Variants in CCDC3 observed in about 807,000 individuals in gnomAD.
The protein encoded by CCDC3 is coiled-coil domain-containing protein 3.
CCDC3 carries 24 observed loss-of-function variants against 21.4 expected under a neutral mutation model. That is an observed-to-expected ratio of 1.12 (90% CI 0.81 to 1.58). The LOEUF is 1.58. CCDC3 is among the 40% of genes most tolerant of loss of function. CCDC3 has a pLI of 0.00. For missense variants in CCDC3, 425 were observed against 360.9 expected, an observed-to-expected ratio of 1.18 and a Z score of -1.44; for synonymous variants, 186 against 166.0, an observed-to-expected ratio of 1.12 and a Z score of -0.93.
At chr10:13,080,834 G>C (rs573213795) in intron 3 of CCDC3, among the ~76,000 whole-genome samples, 92 of 152,280 alleles carry the variant, frequency 6.0e-4, no homozygotes, top group Non-Finnish European at 1.1e-3. Flanking sequence ...CCCAGCCCAA[G>C]GCCAGAGGCC....
rs570817282 is a variant in CCDC3 at position 13,045,857 on chromosome 10, G to C, written c.-2+3817C>G. Among the ~76,000 whole-genome samples the C allele has an allele frequency of 4.6e-5, 7 of 151,286 alleles. No individual in the cohort carries two copies. In the East Asian group the frequency reaches 1.4e-3, roughly 30 times the overall value. On this transcript the variant is annotated intron_variant, in intron 5 of 6. Coordinates refer to the CCDC3 transcript ENST00000378839. Reference sequence around the variant, plus strand: ...TGTAATCCCAGCACTTTGGGAGGCCGAGATGGGGGGATCATGAGGTCAAGA... The same window carrying C: ...TGTAATCCCAGCACTTTGGGAGGCCCAGATGGGGGGATCATGAGGTCAAGA...
chr10:12,983,574 GAA>G (rs552370690), intron 2 of CCDC3, among the ~76,000 whole-genome samples: 9 of 71,440 alleles, frequency 1.3e-4, no homozygotes, highest in Non-Finnish European at 2.7e-4. Flanking sequence ...CCTCTCTCAA[GAA>G]AAAAAAAAAA....
At position 13,026,934 on chromosome 10, in the gene CCDC3, C is replaced by G. The variant is rs549791221; in HGVS notation, c.-2+22740G>C. Among the ~76,000 whole-genome samples, 3 of 152,318 alleles carry G rather than the reference C, an allele frequency of 2.0e-5. No individual in the cohort carries two copies. In the South Asian group the frequency reaches 6.2e-4, roughly 32 times the overall value. On this transcript the variant is annotated intron_variant, in intron 5 of 6. Transcript: ENST00000378839. ...TCTTCTTCCATTTCCTCCTCCTGAACAGATCCGTCATTTTACCAGATCTGA... is the reference window on the plus strand; with the variant it reads ...TCTTCTTCCATTTCCTCCTCCTGAAGAGATCCGTCATTTTACCAGATCTGA...
At chr10:12,940,824 C>A (rs919313780) in intron 2 of CCDC3, among the ~76,000 whole-genome samples, 1 of 152,132 alleles carries the variant, frequency 6.6e-6, no homozygotes, top group African/African-American at 2.4e-5. Flanking sequence ...CAGGGAAGAA[C>A]CTGACAAGAT....
chr10:12,944,173 C>T (rs1834878856), intron 2 of CCDC3, among the ~76,000 whole-genome samples: 1 of 152,132 alleles, frequency 6.6e-6, no homozygotes, highest in Non-Finnish European at 1.5e-5. Flanking sequence ...TCCAAAATGG[C>T]CCTACAAAGC....
At chr10:12,905,782 CCT>C (rs1356842985) in intron 2 of CCDC3, among the ~76,000 whole-genome samples, 1 of 152,186 alleles carries the variant, frequency 6.6e-6, no homozygotes, top group African/African-American at 2.4e-5. Context: ...AGAGCAAGCC[CCT>C]GTGCCCTGCT....
At chr10:12,933,444 A>T (rs1220326713) in intron 2 of CCDC3, among the ~76,000 whole-genome samples, 2 of 141,136 alleles carry the variant, frequency 1.4e-5, no homozygotes, top group Non-Finnish European at 3.0e-5. Flanking sequence ...AGAGTTGTTG[A>T]TAATATTCCC....
chr10:13,036,095 G>A (rs1255169554), intron 5 of CCDC3, among the ~76,000 whole-genome samples: 1 of 152,014 alleles, frequency 6.6e-6, no homozygotes, highest in Non-Finnish European at 1.5e-5. Context: ...AGTGAGCCGA[G>A]ATTGAGCCAC....
intron 4 of CCDC3, among the ~76,000 whole-genome samples, chr10:13,060,328 T>C: frequency 6.6e-6 from 1 of 152,012 alleles, no homozygotes; most frequent in South Asian, 2.1e-4. Flanking sequence ...TTGGGAAAAC[T>C]GCACAGAGTA....
intron 5 of CCDC3, among the ~76,000 whole-genome samples, chr10:13,007,814 C>T (rs1242100158): frequency 2.0e-5 from 3 of 152,050 alleles, no homozygotes; most frequent in South Asian, 2.1e-4. Context: ...TGAGTGAGTT[C>T]TTCTTCTTTC....
At chr10:12,902,317 A>T (rs144191316) in intron 2 of CCDC3, among the ~76,000 whole-genome samples, 35 of 152,012 alleles carry the variant, frequency 2.3e-4, no homozygotes, top group African/African-American at 8.2e-4. Context: ...CCAAAATGAG[A>T]CCCCCTCAAA....
chr10:12,920,416 G>T (rs1332161483), intron 2 of CCDC3, among the ~76,000 whole-genome samples: 1 of 152,134 alleles, frequency 6.6e-6, no homozygotes, highest in Admixed American at 6.5e-5. Flanking sequence ...CATCACTAAG[G>T]CTTTGGACAT....
chr10:12,988,688 T>C (rs1368272148), intron 2 of CCDC3, among the ~76,000 whole-genome samples: 1 of 152,156 alleles, frequency 6.6e-6, no homozygotes, highest in Admixed American at 6.5e-5. Flanking sequence ...TTATCTGTTA[T>C]TTTTCCTATG....
intron 2 of CCDC3, among the ~76,000 whole-genome samples, chr10:12,946,185 G>T (rs1248764333): frequency 1.3e-5 from 2 of 152,172 alleles, no homozygotes; most frequent in Non-Finnish European, 2.9e-5. Flanking sequence ...CAACAGACTT[G>T]ATGTCATGGC....
At chr10:12,945,427 A>T (rs940554445) in intron 2 of CCDC3, among the ~76,000 whole-genome samples, 2 of 152,030 alleles carry the variant, frequency 1.3e-5, no homozygotes, top group African/African-American at 4.8e-5. Flanking sequence ...GAAAAAAAAA[A>T]CCCCGAATGG....
intron 2 of CCDC3, among the ~76,000 whole-genome samples, chr10:12,923,566 C>T (rs1235501322): frequency 6.6e-6 from 1 of 152,076 alleles, no homozygotes; most frequent in Non-Finnish European, 1.5e-5. Context: ...TCCCTTTTTG[C>T]ATTAATCCTG....
At chr10:12,934,042 T>A (rs890584166) in intron 2 of CCDC3, among the ~76,000 whole-genome samples, 1 of 152,202 alleles carries the variant, frequency 6.6e-6, no homozygotes, top group African/African-American at 2.4e-5. Context: ...CCACTGATAT[T>A]AGATCTTTCT....
chr10:13,095,433 G>A (rs949534944), intron 3 of CCDC3, among the ~76,000 whole-genome samples: 1 of 151,780 alleles, frequency 6.6e-6, no homozygotes, highest in Admixed American at 6.6e-5. Context: ...GGATGGTGGT[G>A]GGTGGGGGGG....
rs1834009223 is a variant in CCDC3 at position 12,896,845 on chromosome 10, A to G, written c.*1571T>C. ...ATACTATGGAGAATACAGCTAATGA[A>G]GTGGTGGCAGAAGCTTGGCCGTGTG... On this transcript the variant is annotated 3_prime_UTR_variant, in exon 3 of 3. Coordinates refer to ENST00000378825, the MANE Select transcript of CCDC3 (RefSeq NM_031455.4). The G allele has an allele frequency of 6.6e-6, 1 of 152,520 alleles. No individual in the cohort carries two copies. Among genetic ancestry groups the G allele is most frequent in the Non-Finnish European group, 1.5e-5 (1 of 68,146 alleles). 9.4% of individuals were successfully genotyped at this position (152,520 alleles called of 1,614,324 possible). A position where few individuals can be genotyped will look rare whatever the true frequency, so the allele number is the denominator to read the frequency against.
Sources: gnomAD v4.1 joint callset for allele counts (sites outside exome capture counted in the v4.1 genomes callset) on GRCh38, gnomAD v4.1.1 for gene constraint, MANE v1.5 for transcripts, NCBI Gene and HGNC (gene_info 2026-07-23, HGNC 2026-07-21) for gene names.